PLSCR1: variants seen among roughly 807,000 people sequenced by gnomAD.
The protein encoded by PLSCR1 is PL scramblase 1.
In PLSCR1, 17 loss-of-function variants were observed where a neutral mutation model predicts 37.8. That is an observed-to-expected ratio of 0.45 (90% CI 0.31 to 0.68). The LOEUF (loss-of-function observed/expected upper bound fraction) is 0.68, where lower values mean the gene tolerates loss of function less well. PLSCR1 is among the 30% of genes least tolerant of loss of function. The pLI, the probability that PLSCR1 is intolerant of heterozygous loss-of-function variation, is 0.06. For missense variants in PLSCR1, 347 were observed against 380.9 expected (o/e 0.91, Z 0.74); for synonymous variants, 116 against 125.9 (o/e 0.92, Z 0.53).
At chr3:146,533,960 T>C (rs2044233058) in intron 2 of PLSCR1, among the ~76,000 whole-genome samples, 2 of 152,204 alleles carry the variant, frequency 1.3e-5, no homozygotes, top group Admixed American at 6.5e-5. Flanking sequence ...TCTATCATCA[T>C]TGCTGTAAGT....
At chr3:146,531,740 T>C (rs1197744262) in intron 3 of PLSCR1, among the ~76,000 whole-genome samples, 1 of 152,218 alleles carries the variant, frequency 6.6e-6, no homozygotes, top group Non-Finnish European at 1.5e-5. Flanking sequence ...GCAACCTACA[T>C]TGAAAATATC....
chr3:146,525,692 G>T, intron 4 of PLSCR1, 45 bp from the exon 5 acceptor site: 2 of 895,866 alleles, frequency 2.2e-6, no homozygotes, highest in Non-Finnish European at 1.8e-6. Context: ...GTCAAATGAA[G>T]GTTTTTATAA....
At chr3:146,529,339 G>T (rs552203451) in intron 3 of PLSCR1, among the ~76,000 whole-genome samples, 1 of 152,076 alleles carries the variant, frequency 6.6e-6, no homozygotes, top group Non-Finnish European at 1.5e-5. Context: ...AAGATCTGCA[G>T]ACTTTTTTTG....
chr3:146,521,690 G>C lies in PLSCR1; in HGVS notation c.592C>G (p.Pro198Ala), dbSNP rs1157904685. The C allele has an allele frequency of 3.1e-6, 5 of 1,613,098 alleles. No homozygotes were observed. In the Admixed American group the frequency reaches 5.0e-5, roughly 16 times the overall value. The change falls in exon 7 of 9, where the codon CCT becomes GCT. Residue 198 changes from proline (P) to alanine (A), a missense_variant. Pro to Ala is a conservative substitution (Grantham distance 27, BLOSUM62 -1). Coordinates refer to ENST00000342435, the MANE Select transcript of PLSCR1 (RefSeq NM_021105.3). ...CCLQEIEIQAPPGVPIGYVIQ... is the reference protein window; with the variant it reads ...CCLQEIEIQAAPGVPIGYVIQ... ...ACATAACCTATTGGTACACCAGGAGGAGCTTGGATTTCTATCTACAAAGGC... is the reference window on the plus strand; with the variant it reads ...ACATAACCTATTGGTACACCAGGAGCAGCTTGGATTTCTATCTACAAAGGC...
In PLSCR1 at chr3:146,539,210, T is replaced by C. The variant is rs540276433; in HGVS notation, c.-13-2645A>G. On this transcript the variant is annotated intron_variant, in intron 1 of 8. Coordinates refer to ENST00000342435, the MANE Select transcript of PLSCR1 (RefSeq NM_021105.3). ...TGACCGATCATCAGGCATTAGATTC[T>C]CATAAGGAGTGCGCAACCTAGATCC... Among the ~76,000 whole-genome samples the C allele has an allele frequency of 3.3e-4, 51 of 152,352 alleles. 1 individual carries two copies. Among genetic ancestry groups the C allele is most frequent in the African/African-American group, 1.1e-3 (46 of 41,582 alleles).
At chr3:146,534,379 C>T (rs1402148215) in intron 2 of PLSCR1, among the ~76,000 whole-genome samples, 2 of 152,216 alleles carry the variant, frequency 1.3e-5, no homozygotes, top group East Asian at 3.9e-4. Flanking sequence ...TTATGAATTA[C>T]TAACTGTAAA....
chr3:146,539,200 C>T (rs2044305095), intron 1 of PLSCR1, among the ~76,000 whole-genome samples: 1 of 152,340 alleles, frequency 6.6e-6, no homozygotes, highest in South Asian at 2.1e-4. Context: ...GATCATCAGG[C>T]ATTAGATTCT....
Position 146,516,105 on chromosome 3 carries a change from G to T in PLSCR1, c.901-4C>A. 1 of 1,594,994 alleles carries T rather than the reference G, an allele frequency of 6.3e-7. No homozygotes were observed. Among genetic ancestry groups the T allele is most frequent in the Non-Finnish European group, 8.6e-7 (1 of 1,164,832 alleles). On this transcript the variant is annotated splice_polypyrimidine_tract_variant and splice_region_variant and intron_variant, in intron 8 of 8. Coordinates refer to ENST00000342435, the MANE Select transcript of PLSCR1 (RefSeq NM_021105.3). ...TGCTTTCAAAAAACATGAAGTCCTA[G>T]ATAAAAACAAAAGTATACAAATGAA...
At chr3:146,541,215 T>A (rs376767099) in intron 1 of PLSCR1, 1 of 152,166 alleles carries the variant, frequency 6.6e-6, no homozygotes, top group East Asian at 1.9e-4. Context: ...TAAAACCAGT[T>A]TAGGATAGCC....
chr3:146,543,093 C>T (rs1373481964), intron 1 of PLSCR1, among the ~76,000 whole-genome samples: 3 of 152,020 alleles, frequency 2.0e-5, no homozygotes, highest in African/African-American at 7.2e-5. Flanking sequence ...TGTTGGAGGG[C>T]ATCATAGATA....
intron 5 of PLSCR1, 52 bp downstream of exon 5, chr3:146,525,553 T>G: frequency 1.1e-6 from 1 of 916,332 alleles, no homozygotes; most frequent in Non-Finnish European, 1.8e-6. Flanking sequence ...TGCCTTTATC[T>G]GCATAAACTT....
rs963324907 is a variant in PLSCR1, at chr3:146,528,423, A to C, written c.312+191T>G. On this transcript the variant is annotated intron_variant, in intron 4 of 8. Transcript: ENST00000342435. ...ATAGATTGTATTTAAGATAACAGAA[A>C]ATACAATTTTCTAAGGCATTTGTAT... 1.0e-5 allele frequency: 6 copies of C among 598,516 alleles called. No homozygotes were observed. The African/African-American group carries it at 1.1e-4, about 11-fold the overall frequency. The allele number at this position is 598,516 out of a possible 1,614,324, so 37.1% of individuals were successfully genotyped here. A position where few individuals can be genotyped will look rare whatever the true frequency, so the allele number is the denominator to read the frequency against.
intron 1 of PLSCR1, among the ~76,000 whole-genome samples, chr3:146,540,182 T>C (rs1006595333): frequency 6.6e-6 from 1 of 152,244 alleles, no homozygotes; most frequent in Non-Finnish European, 1.5e-5. Flanking sequence ...AGTTATGTTG[T>C]ATATTGTACC....
chr3:146,542,478 A>C (rs2044349776), intron 1 of PLSCR1, among the ~76,000 whole-genome samples: 2 of 152,170 alleles, frequency 1.3e-5, no homozygotes, highest in African/African-American at 4.8e-5. Context: ...ATTTCTCAGA[A>C]TGTATTCCTG....
In PLSCR1 at chr3:146,539,834, G is replaced by A. The variant is rs2044314286; in HGVS notation, c.-13-3269C>T. On this transcript the variant is annotated intron_variant, in intron 1 of 8. Transcript: ENST00000342435. ...TTGAAAGTGGTATGTAATAAGCTCTGGTGCAAAATGTTAAGTGTTCCTTGT... is the reference window on the plus strand; with the variant it reads ...TTGAAAGTGGTATGTAATAAGCTCTAGTGCAAAATGTTAAGTGTTCCTTGT... Among the ~76,000 whole-genome samples the A allele has an allele frequency of 2.0e-5, 3 of 152,266 alleles. No homozygotes were observed. The South Asian group carries it at 6.2e-4, about 32-fold the overall frequency.
chr3:146,519,431 G>C (rs1026807555), intron 7 of PLSCR1, among the ~76,000 whole-genome samples: 16 of 152,048 alleles, frequency 1.1e-4, no homozygotes, highest in African/African-American at 3.9e-4. Context: ...AGACAGAGCT[G>C]ACTTGGTATG....
At chr3:146,524,470 T>C (rs1483737309) in intron 5 of PLSCR1, among the ~76,000 whole-genome samples, 1 of 151,540 alleles carries the variant, frequency 6.6e-6, no homozygotes, top group Admixed American at 6.6e-5. Flanking sequence ...TTTTGAAAAA[T>C]AAGCATAATT....
chr3:146,526,151 C>A (rs1258075163), intron 4 of PLSCR1, among the ~76,000 whole-genome samples: 2 of 133,814 alleles, frequency 1.5e-5, no homozygotes. Context: ...CTACTGCACT[C>A]CAGCCTGGGC....
intron 8 of PLSCR1, 145 bp from the exon 9 acceptor site, chr3:146,516,246 T>G (rs2043944947): frequency 2.0e-6 from 1 of 505,786 alleles, no homozygotes; most frequent in Non-Finnish European, 3.4e-6. Context: ...ATACAAAAGC[T>G]CTATAATTAT....
Sources: allele counts gnomAD v4.1 joint callset (sites outside exome capture counted in the v4.1 genomes callset), GRCh38; gene constraint gnomAD v4.1.1; transcripts MANE v1.5; gene names NCBI Gene and HGNC (gene_info 2026-07-23, HGNC 2026-07-21).